Variants in SMYD3 observed in about 807,000 individuals in gnomAD.
SMYD3 encodes SET and MYND domain containing 3, also known as histone-lysine N-methyltransferase SMYD3.
In SMYD3, 36 loss-of-function variants were observed where a neutral mutation model predicts 57.7. That is an observed-to-expected ratio of 0.62 (90% CI 0.48 to 0.82). The LOEUF (loss-of-function observed/expected upper bound fraction) is 0.82, where lower values mean the gene tolerates loss of function less well. Among genes scored for constraint, SMYD3 ranks in the 40% least tolerant of loss-of-function variants. SMYD3 has a pLI of 0.00. For synonymous variants in SMYD3, 211 were observed against 195.0 expected (o/e 1.08, Z -0.68); for missense variants, 515 against 538.8 (o/e 0.96, Z 0.44).
intron 5 of SMYD3, among the ~76,000 whole-genome samples, chr1:246,250,150 A>G (rs141611537): frequency 4.9e-4 from 75 of 152,324 alleles, no homozygotes; most frequent in African/African-American, 1.8e-3. Context: ...CCTTACTGAT[A>G]CTAGGTTCTA....
intron 2 of SMYD3, among the ~76,000 whole-genome samples, chr1:246,346,227 T>C (rs2065712995): frequency 6.6e-6 from 1 of 152,028 alleles, no homozygotes; most frequent in South Asian, 2.1e-4. Context: ...GAGCTTGCAG[T>C]GAGCCGAGAC....
chr1:245,766,426 C>T (rs2046107472), intron 10 of SMYD3, among the ~76,000 whole-genome samples: 1 of 137,322 alleles, frequency 7.3e-6, no homozygotes. Flanking sequence ...AAAAAAAAGG[C>T]TGAAAAGGGA....
intron 1 of SMYD3, among the ~76,000 whole-genome samples, chr1:246,469,667 G>T (rs569521703): frequency 1.4e-4 from 22 of 152,212 alleles, no homozygotes; most frequent in African/African-American, 5.3e-4. Flanking sequence ...ATAAATAGAG[G>T]AGAAGGTAAG....
intron 7 of SMYD3, among the ~76,000 whole-genome samples, chr1:245,923,141 A>G (rs183646925): frequency 1.3e-5 from 2 of 152,318 alleles, no homozygotes; most frequent in Admixed American, 1.3e-4. Flanking sequence ...TGACTGAGGT[A>G]AAATTGAATG....
At chr1:246,192,820 G>A (rs2062760876) in intron 5 of SMYD3, among the ~76,000 whole-genome samples, 1 of 151,856 alleles carries the variant, frequency 6.6e-6, no homozygotes, top group Admixed American at 6.6e-5. Flanking sequence ...AGGGAAAAAG[G>A]AGAACAGTAA....
intron 6 of SMYD3, 32 bp from the exon 7 acceptor site, chr1:245,928,065 G>A (rs760455663): frequency 3.2e-6 from 5 of 1,563,606 alleles, no homozygotes; most frequent in Admixed American, 3.4e-5. Context: ...GACTGTCACA[G>A]CTCAGCAGGT....
At chr1:245,983,603 C>G (rs570498003) in intron 5 of SMYD3, among the ~76,000 whole-genome samples, 22 of 152,320 alleles carry the variant, frequency 1.4e-4, no homozygotes, top group African/African-American at 5.3e-4. Flanking sequence ...AATCTAACAT[C>G]TGTAAATTTC....
intron 5 of SMYD3, among the ~76,000 whole-genome samples, chr1:246,221,604 G>A (rs12039123): frequency 0.13 from 19,690 of 152,208 alleles, 1,842 homozygotes; most frequent in East Asian, 0.34. Context: ...GGTGCCAGAC[G>A]GGAAAGCCGC....
At chr1:246,042,987 G>A (rs2059903719) in intron 5 of SMYD3, among the ~76,000 whole-genome samples, 4 of 152,062 alleles carry the variant, frequency 2.6e-5, no homozygotes, top group South Asian at 4.1e-4. Context: ...CAAATGGTCC[G>A]AGTGGCCTAA....
At chr1:246,412,601 A>T (rs28402872) in intron 1 of SMYD3, among the ~76,000 whole-genome samples, 7,478 of 152,126 alleles carry the variant, frequency 0.049, 646 homozygotes, top group African/African-American at 0.17. Context: ...TGAAGTAAGA[A>T]GTGGAGAGAC....
At chr1:246,062,878 T>C (rs6662962) in intron 5 of SMYD3, among the ~76,000 whole-genome samples, 4 of 152,022 alleles carry the variant, frequency 2.6e-5, no homozygotes, top group Non-Finnish European at 4.4e-5. Flanking sequence ...AGAAAACATA[T>C]AATAATAAAT....
chr1:246,022,268 C>T (rs2059485050), intron 5 of SMYD3, among the ~76,000 whole-genome samples: 1 of 152,180 alleles, frequency 6.6e-6, no homozygotes, highest in Admixed American at 6.5e-5. Context: ...ATGCACATAT[C>T]AGAGAAAAAT....
At chr1:245,883,590 C>T (rs146576997) in intron 8 of SMYD3, among the ~76,000 whole-genome samples, 2 of 152,234 alleles carry the variant, frequency 1.3e-5, no homozygotes, top group Admixed American at 6.5e-5. Context: ...GGGGTCCCAA[C>T]GCTAAAAGAC....
chr1:246,282,305 C>CAAAAAAAAAAAAAAAAAAAAAAAAAAAAA (rs57740230), intron 5 of SMYD3, among the ~76,000 whole-genome samples: 2 of 67,932 alleles, frequency 2.9e-5, no homozygotes, highest in Non-Finnish European at 5.0e-5. Context: ...CTCATCTCTA[C>CAAAAAAAAAAAAAAAAAAAAAAAAAAAAA]AAAAAAAAAA....
At chr1:246,262,166 T>C (rs1030674564) in intron 5 of SMYD3, among the ~76,000 whole-genome samples, 2 of 152,220 alleles carry the variant, frequency 1.3e-5, no homozygotes, top group African/African-American at 4.8e-5. Flanking sequence ...TGTGAGTAGA[T>C]ATAGAAGAGT....
chr1:246,402,431 C>A (rs1219462367), intron 1 of SMYD3, among the ~76,000 whole-genome samples: 1 of 146,166 alleles, frequency 6.8e-6, no homozygotes, highest in African/African-American at 2.5e-5. Flanking sequence ...TTTCAGGGCA[C>A]AAATCCCTCT....
intron 5 of SMYD3, among the ~76,000 whole-genome samples, chr1:246,035,805 A>C (rs2059764088): frequency 6.6e-6 from 1 of 152,216 alleles, no homozygotes; most frequent in Non-Finnish European, 1.5e-5. Context: ...GAGACTTATA[A>C]ATCCAGATTT....
chr1:245,928,443 G>C (rs2056522153), intron 6 of SMYD3, among the ~76,000 whole-genome samples: 1 of 152,026 alleles, frequency 6.6e-6, no homozygotes, highest in Non-Finnish European at 1.5e-5. Context: ...AAGCCGAGGT[G>C]GGTGGATCAT....
intron 1 of SMYD3, among the ~76,000 whole-genome samples, chr1:246,367,525 C>T (rs916546703): frequency 1.3e-5 from 2 of 152,140 alleles, no homozygotes; most frequent in Admixed American, 1.3e-4. Context: ...CTCTGCCTCC[C>T]GGGTTGAAGC....
Sources: gnomAD v4.1 joint callset for allele counts (sites outside exome capture counted in the v4.1 genomes callset) on GRCh38, gnomAD v4.1.1 for gene constraint, MANE v1.5 for transcripts, NCBI Gene and HGNC (gene_info 2026-07-23, HGNC 2026-07-21) for gene names.